Variants in SLC35F4 observed in about 807,000 individuals in gnomAD.
SLC35F4 encodes the protein chromosome 14 open reading frame 36.
Under a neutral mutation model 44.2 loss-of-function variants are expected in SLC35F4, and 24 were observed. The observed-to-expected ratio is 0.54, with a 90% CI of 0.39 to 0.76. The LOEUF (loss-of-function observed/expected upper bound fraction) is 0.76, where lower values mean the gene tolerates loss of function less well. SLC35F4 is among the 30% of genes least tolerant of loss of function. SLC35F4 has a pLI of 0.00. For synonymous variants in SLC35F4, 238 were observed against 223.6 expected, an observed-to-expected ratio of 1.06 and a Z score of -0.57; for missense variants, 562 against 586.1, an observed-to-expected ratio of 0.96 and a Z score of 0.42.
chr14:57,671,507 G>A lies in SLC35F4; in HGVS notation c.104-77383C>T, dbSNP rs1475741004. ...CCAGAAGGGAACCCACTGACTTGAA[G>A]GGAAGACCCAGTCCTGGCAGCATTT... On this transcript the variant is annotated intron_variant, in intron 1 of 7. Coordinates refer to ENST00000556826, the MANE Select transcript of SLC35F4 (RefSeq NM_001306087.2). Among the ~76,000 whole-genome samples, 11 of 152,112 alleles carry A rather than the reference G, an allele frequency of 7.2e-5. No homozygotes were observed. In the East Asian group the frequency reaches 2.1e-3, roughly 29 times the overall value.
chr14:57,782,145 C>A (rs1828607882), intron 1 of SLC35F4, among the ~76,000 whole-genome samples: 1 of 152,122 alleles, frequency 6.6e-6, no homozygotes, highest in African/African-American at 2.4e-5. Context: ...TTAACATATT[C>A]ATCACTAACA....
intron 1 of SLC35F4, among the ~76,000 whole-genome samples, chr14:57,730,849 A>G (rs1048861417): frequency 6.6e-6 from 1 of 152,210 alleles, no homozygotes; most frequent in Non-Finnish European, 1.5e-5. Flanking sequence ...GCCAACAGAT[A>G]CAAAGAAGAG....
intron 1 of SLC35F4, among the ~76,000 whole-genome samples, chr14:57,610,293 T>C (rs1291440941): frequency 6.6e-6 from 1 of 152,044 alleles, no homozygotes; most frequent in African/African-American, 2.4e-5. Flanking sequence ...TTAATAAAAG[T>C]GAGAATCTGT....
chr14:57,827,146 G>T (rs1408311138), intron 1 of SLC35F4, among the ~76,000 whole-genome samples: 1 of 152,024 alleles, frequency 6.6e-6, no homozygotes. Flanking sequence ...AAGAAAATGT[G>T]GTATATATTT....
intron 1 of SLC35F4, among the ~76,000 whole-genome samples, chr14:57,768,552 G>C (rs1023023738): frequency 1.1e-4 from 16 of 152,190 alleles, no homozygotes; most frequent in Admixed American, 9.2e-4. Context: ...AAGCCTCCAT[G>C]AACCGCTCCT....
intron 1 of SLC35F4, among the ~76,000 whole-genome samples, chr14:57,859,515 T>C (rs898246787): frequency 6.6e-6 from 1 of 152,124 alleles, no homozygotes; most frequent in Non-Finnish European, 1.5e-5. Flanking sequence ...GGGGGAGAAA[T>C]GTGTGCTAAA....
chr14:57,975,069 C>T (rs1430545969), downstream of SLC35F4, among the ~76,000 whole-genome samples: 1 of 152,184 alleles, frequency 6.6e-6, no homozygotes, highest in Non-Finnish European at 1.5e-5. Context: ...TATTCTCTAA[C>T]CAAAACAATG....
chr14:57,792,035 C>G lies in SLC35F4; in HGVS notation c.103+73688G>C, dbSNP rs995343085. ...GTAAATGACGGGTTGATGGGGGCAG[C>G]AAACCACCATGGCACATGTGTACCT... On this transcript the variant is annotated intron_variant, in intron 1 of 7. Coordinates refer to ENST00000556826, the MANE Select transcript of SLC35F4 (RefSeq NM_001306087.2). Among the ~76,000 whole-genome samples, 3 of 152,022 alleles carry G rather than the reference C, an allele frequency of 2.0e-5. No individual in the cohort carries two copies. The East Asian group carries it at 5.8e-4, about 29-fold the overall frequency.
At chr14:57,703,278 C>G (rs1000645532) in intron 1 of SLC35F4, among the ~76,000 whole-genome samples, 4 of 152,120 alleles carry the variant, frequency 2.6e-5, no homozygotes, top group African/African-American at 9.7e-5. Context: ...TCCATCCTTC[C>G]CCACATCATC....
chr14:57,713,780 T>G lies in SLC35F4; in HGVS notation c.104-119656A>C, dbSNP rs558309666. On this transcript the variant is annotated intron_variant, in intron 1 of 7. Transcript: ENST00000556826. ...GGGTGCCAAATGGAATGTGCTCAAT[T>G]TTTTAAAAAATCAAATTAATGGACA... Among the ~76,000 whole-genome samples, 60 of 152,282 alleles carry G rather than the reference T, an allele frequency of 3.9e-4. 2 individuals are homozygous for G. The highest frequency in any genetic ancestry group is 4.6e-4 in the Admixed American group (7 of 15,286).
chr14:57,789,030 G>A (rs948057495), intron 1 of SLC35F4, among the ~76,000 whole-genome samples: 25 of 152,122 alleles, frequency 1.6e-4, no homozygotes, highest in Non-Finnish European at 2.9e-4. Context: ...AGGGAAACTT[G>A]TAGCACTAAA....
At chr14:57,654,199 G>A (rs886924368) in intron 1 of SLC35F4, among the ~76,000 whole-genome samples, 1 of 152,086 alleles carries the variant, frequency 6.6e-6, no homozygotes, top group Admixed American at 6.5e-5. Context: ...ACATGAATTA[G>A]TTCTTTAGTG....
intron 1 of SLC35F4, among the ~76,000 whole-genome samples, chr14:57,738,790 C>G: frequency 2.0e-5 from 2 of 99,190 alleles, no homozygotes; most frequent in African/African-American, 3.5e-5. Flanking sequence ...TATATATAGG[C>G]TTCATATGTA....
At chr14:57,677,444 T>C (rs1240978392) in intron 1 of SLC35F4, among the ~76,000 whole-genome samples, 2 of 151,812 alleles carry the variant, frequency 1.3e-5, no homozygotes, top group South Asian at 2.1e-4. Context: ...GATAAACAGA[T>C]GGGTAGCTAT....
At chr14:57,618,691 C>A (rs546358107) in intron 1 of SLC35F4, among the ~76,000 whole-genome samples, 1 of 152,180 alleles carries the variant, frequency 6.6e-6, no homozygotes, top group Non-Finnish European at 1.5e-5. Flanking sequence ...CGAGCCAGAA[C>A]CACTCACTCC....
intron 1 of SLC35F4, among the ~76,000 whole-genome samples, chr14:57,710,288 A>C (rs1010838864): frequency 4.6e-5 from 7 of 152,228 alleles, no homozygotes; most frequent in African/African-American, 7.2e-5. Flanking sequence ...CGTGCACAGA[A>C]GTCAAGAATT....
In SLC35F4 at chr14:57,884,023, C is replaced by A. The variant is rs1468522286; in HGVS notation, n.282+97890G>T. On this transcript the variant is annotated intron_variant and non_coding_transcript_variant, in intron 1 of 1. Coordinates refer to the SLC35F4 transcript ENST00000556568. ...GTCAGGTGATAGAGACAATAAGAGC[C>A]GTGGATAAAAATAGCTTCCAAATTA... Among the ~76,000 whole-genome samples the A allele has an allele frequency of 1.3e-5, 2 of 151,986 alleles. 1 individual carries two copies. Among genetic ancestry groups the A allele is most frequent in the Non-Finnish European group, 2.9e-5 (2 of 67,986 alleles).
intron 1 of SLC35F4, among the ~76,000 whole-genome samples, chr14:57,918,010 G>A (rs1889364067): frequency 6.6e-6 from 1 of 152,170 alleles, no homozygotes; most frequent in Non-Finnish European, 1.5e-5. Flanking sequence ...GCTGGATGTG[G>A]TTGGATGTTT....
At chr14:57,585,974 CT>C (rs1482960238) in intron 3 of SLC35F4, among the ~76,000 whole-genome samples, 1 of 152,170 alleles carries the variant, frequency 6.6e-6, no homozygotes, top group Non-Finnish European at 1.5e-5. Context: ...TGGAAAAAAA[CT>C]ACTTTAAACT....
Sources: allele counts gnomAD v4.1 joint callset (sites outside exome capture counted in the v4.1 genomes callset), GRCh38; gene constraint gnomAD v4.1.1; transcripts MANE v1.5; gene names NCBI Gene and HGNC (gene_info 2026-07-23, HGNC 2026-07-21).